The following MAF variants were observed in gnomAD, a reference collection of about 807,000 sequenced individuals.
The protein encoded by MAF is MAF bZIP transcription factor, also known as transcription factor Maf.
In MAF, 10 loss-of-function variants were observed where a neutral mutation model predicts 22.0. That is an observed-to-expected ratio of 0.45 (90% CI 0.28 to 0.77). The LOEUF (loss-of-function observed/expected upper bound fraction) is 0.77. Among genes scored for constraint, MAF ranks in the 30% least tolerant of loss-of-function variants. The pLI is 0.12. For missense variants in MAF, 544 were observed against 548.4 expected, an observed-to-expected ratio of 0.99 and a Z score of 0.08; for synonymous variants, 337 against 255.8, an observed-to-expected ratio of 1.32 and a Z score of -3.03.
the MAF span, among the ~76,000 whole-genome samples, chr16:79,308,426 G>T: frequency 6.6e-6 from 1 of 152,156 alleles, no homozygotes; most frequent in Non-Finnish European, 1.5e-5. Context: ...GCTGCAGGCA[G>T]GCTAAATAAC....
At chr16:79,529,425 G>T in the MAF span, among the ~76,000 whole-genome samples, 2 of 152,140 alleles carry the variant, frequency 1.3e-5, no homozygotes, top group Non-Finnish European at 2.9e-5. Flanking sequence ...AGAGAAAGTT[G>T]GGTGAAGCAT....
At chr16:79,205,304 C>T in the MAF span, 1 of 152,172 alleles carries the variant, frequency 6.6e-6, no homozygotes, top group African/African-American at 2.4e-5. Flanking sequence ...GACACTGTCC[C>T]TAGTGTCACC....
At chr16:79,359,297 G>C in the MAF span, among the ~76,000 whole-genome samples, 2 of 152,188 alleles carry the variant, frequency 1.3e-5, no homozygotes, top group African/African-American at 4.8e-5. Flanking sequence ...GGAAGTGATG[G>C]TGATGTCAGT....
chr16:79,349,885 C>A, the MAF span, among the ~76,000 whole-genome samples: 2 of 152,182 alleles, frequency 1.3e-5, no homozygotes, highest in Non-Finnish European at 2.9e-5. Context: ...TAATTCCAAG[C>A]ACACACGCTC....
the MAF span, among the ~76,000 whole-genome samples, chr16:79,323,317 A>G: frequency 1.1e-3 from 162 of 152,046 alleles, 2 homozygotes; most frequent in South Asian, 0.028. Flanking sequence ...ATGGTGTCCC[A>G]GGGGAGAAAA....
the MAF span, among the ~76,000 whole-genome samples, chr16:79,430,198 G>A: frequency 2.6e-5 from 4 of 152,222 alleles, no homozygotes; most frequent in African/African-American, 9.6e-5. Context: ...AAGAAAGGTA[G>A]CGCTTTGTTT....
the MAF span, among the ~76,000 whole-genome samples, chr16:79,410,831 T>A: frequency 2.0e-5 from 3 of 152,116 alleles, no homozygotes; most frequent in Non-Finnish European, 2.9e-5. Context: ...GGGGCTGGGG[T>A]TTGGGTGTGA....
chr16:79,279,588 A>G, the MAF span, among the ~76,000 whole-genome samples: 1 of 152,096 alleles, frequency 6.6e-6, no homozygotes, highest in Non-Finnish European at 1.5e-5. Context: ...AGAGAGGGAC[A>G]TTCAAGCACT....
At chr16:79,314,974 C>G in the MAF span, among the ~76,000 whole-genome samples, 1 of 152,348 alleles carries the variant, frequency 6.6e-6, no homozygotes, top group African/African-American at 2.4e-5. Context: ...TCCATTGTTC[C>G]TCTGCAGTAT....
the MAF span, among the ~76,000 whole-genome samples, chr16:79,420,242 T>C: frequency 6.6e-6 from 1 of 152,178 alleles, no homozygotes; most frequent in African/African-American, 2.4e-5. Context: ...TCAGTGTTCT[T>C]GTATGGCGAA....
the MAF span, among the ~76,000 whole-genome samples, chr16:79,262,000 C>T: frequency 3.5e-3 from 532 of 152,246 alleles, 4 homozygotes; most frequent in African/African-American, 0.012. Context: ...AAACATCATG[C>T]ACAATCCTAG....
chr16:79,367,682 G>A, the MAF span, among the ~76,000 whole-genome samples: 1 of 152,110 alleles, frequency 6.6e-6, no homozygotes, highest in Non-Finnish European at 1.5e-5. Flanking sequence ...TGTGGCCAAG[G>A]AACTGAATTT....
the MAF span, among the ~76,000 whole-genome samples, chr16:79,337,134 T>C: frequency 6.6e-6 from 1 of 152,184 alleles, no homozygotes; most frequent in South Asian, 2.1e-4. Context: ...GCACTGGAAA[T>C]ATTTGTTAAG....
rs569046523 is a variant in MAF, at chr16:79,588,309, C to T, written c.1119-2368G>A. 2.6e-4 allele frequency among the ~76,000 whole-genome samples: 39 copies of T among 152,292 alleles called. 1 individual carries two copies. The East Asian group carries it at 7.1e-3, about 28-fold the overall frequency. ...CTGCCTTTTACGTGGGAAGATTGCC[C>T]TAAGACAGCAGTTTCAGCCCAGGCT... On this transcript the variant is annotated intron_variant, in intron 1 of 1. Transcript: ENST00000569649.
the MAF span, among the ~76,000 whole-genome samples, chr16:79,477,342 A>C: frequency 6.6e-6 from 1 of 152,300 alleles, no homozygotes; most frequent in East Asian, 1.9e-4. Flanking sequence ...AGAGAAATTG[A>C]AGTGGCTGTT....
At chr16:79,449,586 G>C in the MAF span, among the ~76,000 whole-genome samples, 1 of 152,172 alleles carries the variant, frequency 6.6e-6, no homozygotes, top group African/African-American at 2.4e-5. Context: ...CTCTGTGTGA[G>C]GCAGAATGCT....
the MAF span, among the ~76,000 whole-genome samples, chr16:79,373,536 C>A: frequency 6.6e-6 from 1 of 151,800 alleles, no homozygotes; most frequent in Non-Finnish European, 1.5e-5. Context: ...GCATGTGCCA[C>A]CACACCTGGG....
chr16:79,573,548 T>A, the MAF span, among the ~76,000 whole-genome samples: 23 of 152,358 alleles, frequency 1.5e-4, no homozygotes, highest in Middle Eastern at 3.4e-3. Context: ...TCTTAATCAA[T>A]AATAAATCTT....
the MAF span, among the ~76,000 whole-genome samples, chr16:79,267,458 G>C: frequency 6.6e-6 from 1 of 152,180 alleles, no homozygotes; most frequent in African/African-American, 2.4e-5. Context: ...GGAGTGAATG[G>C]GCCAGTGAAT....
Sources: allele counts gnomAD v4.1 joint callset (sites outside exome capture counted in the v4.1 genomes callset), GRCh38; gene constraint gnomAD v4.1.1; transcripts MANE v1.5; gene names NCBI Gene and HGNC (gene_info 2026-07-23, HGNC 2026-07-21).